The following DSCAM variants were observed in gnomAD, a reference collection of about 807,000 sequenced individuals.
The protein encoded by DSCAM is cell adhesion molecule DSCAM.
Under a neutral mutation model 217.7 loss-of-function variants are expected in DSCAM, and 47 were observed. That is an observed-to-expected ratio of 0.22 (90% CI 0.17 to 0.28). The LOEUF is 0.28. Ranked by LOEUF, DSCAM falls within the 10% of genes least tolerant of loss-of-function variation. DSCAM has a pLI of 1.00. For synonymous variants in DSCAM, 1,056 were observed against 1,015.3 expected (o/e 1.04, Z -0.76); for missense variants, 2,080 against 2,618.3 (o/e 0.79, Z 4.49).
At chr21:40,482,170 C>A (rs993890990) in intron 3 of DSCAM, among the ~76,000 whole-genome samples, 4 of 152,170 alleles carry the variant, frequency 2.6e-5, no homozygotes. Context: ...GAAATGAAGA[C>A]CATTTCCAGT....
intron 3 of DSCAM, among the ~76,000 whole-genome samples, chr21:40,611,057 ATTTT>A (rs527262141): frequency 3.1e-5 from 4 of 129,792 alleles, no homozygotes; most frequent in Non-Finnish European, 4.8e-5. Context: ...TTAGTTTTCA[ATTTT>A]TTTTTTTTTT....
chr21:40,824,482 T>TGG, intron 1 of DSCAM, among the ~76,000 whole-genome samples: 1 of 148,228 alleles, frequency 6.7e-6, no homozygotes, highest in Middle Eastern at 3.4e-3. Flanking sequence ...CAAACATGGT[T>TGG]TTCTGCAACC....
At chr21:40,170,842 A>G (rs1433232290) in intron 15 of DSCAM, among the ~76,000 whole-genome samples, 1 of 152,208 alleles carries the variant, frequency 6.6e-6, no homozygotes, top group African/African-American at 2.4e-5. Context: ...CAATGTCAGG[A>G]GCACTGTCTC....
chr21:40,126,609 AT>A (rs777940710), intron 19 of DSCAM, among the ~76,000 whole-genome samples: 23 of 152,216 alleles, frequency 1.5e-4, no homozygotes, highest in Non-Finnish European at 1.8e-4. Context: ...TTAGAGAATG[AT>A]TAGGGAATAA....
At chr21:40,616,465 C>T (rs2089395436) in intron 3 of DSCAM, among the ~76,000 whole-genome samples, 1 of 152,214 alleles carries the variant, frequency 6.6e-6, no homozygotes, top group Admixed American at 6.5e-5. Flanking sequence ...CTGATAAAAG[C>T]TCTAGCCTCT....
At chr21:40,033,936 AG>A (rs2088585241) in intron 32 of DSCAM, among the ~76,000 whole-genome samples, 1 of 138,564 alleles carries the variant, frequency 7.2e-6, no homozygotes, top group African/African-American at 2.8e-5. Flanking sequence ...CTCACAGGGC[AG>A]GGTACTCCAA....
chr21:40,628,034 T>C (rs2089627648), intron 3 of DSCAM, among the ~76,000 whole-genome samples: 1 of 152,244 alleles, frequency 6.6e-6, no homozygotes. Context: ...TATACCACCT[T>C]GTTGTGTATT....
intron 22 of DSCAM, among the ~76,000 whole-genome samples, chr21:40,086,706 G>A (rs2089537317): frequency 6.6e-6 from 1 of 152,120 alleles, no homozygotes; most frequent in Non-Finnish European, 1.5e-5. Context: ...GGAGTATGGA[G>A]AACCAGATTT....
At chr21:40,548,687 T>C (rs1487477198) in intron 3 of DSCAM, among the ~76,000 whole-genome samples, 2 of 152,174 alleles carry the variant, frequency 1.3e-5, no homozygotes, top group Non-Finnish European at 2.9e-5. Context: ...TTGAATAGAA[T>C]GTGTTTGAAA....
At chr21:40,157,655 T>TTC (rs1412638019) in intron 16 of DSCAM, among the ~76,000 whole-genome samples, 1 of 152,046 alleles carries the variant, frequency 6.6e-6, no homozygotes, top group Non-Finnish European at 1.5e-5. Flanking sequence ...ATGGCATTCT[T>TTC]TCTCTAGAGC....
At chr21:40,725,540 C>T (rs183718534) in intron 1 of DSCAM, among the ~76,000 whole-genome samples, 1 of 152,334 alleles carries the variant, frequency 6.6e-6, no homozygotes, top group African/African-American at 2.4e-5. Context: ...TGACTTTATT[C>T]ATTGCCAAAA....
At chr21:40,063,601 G>C (rs1270953405) in intron 27 of DSCAM, among the ~76,000 whole-genome samples, 1 of 151,910 alleles carries the variant, frequency 6.6e-6, no homozygotes, top group Non-Finnish European at 1.5e-5. Context: ...TCCTTACTTA[G>C]AGCACAAAAA....
intron 15 of DSCAM, among the ~76,000 whole-genome samples, chr21:40,174,705 C>T (rs1451581711): frequency 6.6e-6 from 1 of 152,132 alleles, no homozygotes; most frequent in Non-Finnish European, 1.5e-5. Context: ...AACTCCAGCT[C>T]ATTGCTGCCA....
chr21:40,625,415 C>T (rs1209533825), intron 3 of DSCAM, among the ~76,000 whole-genome samples: 1 of 152,180 alleles, frequency 6.6e-6, no homozygotes, highest in African/African-American at 2.4e-5. Context: ...AAAGGCCCAC[C>T]ATCCTGTGTC....
chr21:40,361,710 T>C (rs1483785715), intron 4 of DSCAM, among the ~76,000 whole-genome samples: 1 of 152,238 alleles, frequency 6.6e-6, no homozygotes, highest in Non-Finnish European at 1.5e-5. Flanking sequence ...GTTTCCCTAA[T>C]AAAAATACGG....
In DSCAM at chr21:40,276,286, A is replaced by T; in HGVS notation, c.2183-16T>A. 6.3e-7 allele frequency: 1 copy of T among 1,575,382 alleles called. No homozygotes were observed. ...ACCCCAGCACCTGAGACAGAAAAAGAAAGACGAGCAATGATGCAAACGAGA... is the reference window on the plus strand; with the variant it reads ...ACCCCAGCACCTGAGACAGAAAAAGTAAGACGAGCAATGATGCAAACGAGA... On this transcript the variant is annotated splice_polypyrimidine_tract_variant and intron_variant, in intron 10 of 32. Transcript: ENST00000400454.
chr21:40,701,287 T>C (rs567330197), intron 2 of DSCAM, among the ~76,000 whole-genome samples: 5 of 152,196 alleles, frequency 3.3e-5, no homozygotes, highest in African/African-American at 4.8e-5. Flanking sequence ...AAAGTGACGT[T>C]ATCTCCCTCA....
intron 11 of DSCAM, among the ~76,000 whole-genome samples, chr21:40,244,426 G>A (rs1372725061): frequency 6.6e-6 from 1 of 151,026 alleles, no homozygotes; most frequent in Non-Finnish European, 1.5e-5. Flanking sequence ...ACTCCAGCCT[G>A]GGTGACAGAA....
chr21:40,172,651 C>T (rs1043758958), intron 15 of DSCAM, among the ~76,000 whole-genome samples: 1 of 152,240 alleles, frequency 6.6e-6, no homozygotes, highest in Non-Finnish European at 1.5e-5. Flanking sequence ...TGGCTTTAGC[C>T]AGCATCTTGG....
Sources: allele counts gnomAD v4.1 joint callset (sites outside exome capture counted in the v4.1 genomes callset), GRCh38; gene constraint gnomAD v4.1.1; transcripts MANE v1.5; gene names NCBI Gene and HGNC (gene_info 2026-07-23, HGNC 2026-07-21).